The following WNK1 variants were observed in gnomAD, a reference collection of about 807,000 sequenced individuals.
WNK1 encodes WNK lysine deficient protein kinase 1.
Under a neutral mutation model 222.8 loss-of-function variants are expected in WNK1, and 38 were observed. The ratio of observed to expected loss-of-function variants is 0.17; its 90% CI spans 0.13 to 0.22. The LOEUF is 0.22. Ranked by LOEUF, WNK1 falls within the 10% of genes least tolerant of loss-of-function variation. The pLI is 1.00. For missense variants in WNK1, 2,348 were observed against 2,918.4 expected (o/e 0.80, Z 4.50); for synonymous variants, 1,090 against 1,092.9 (o/e 1.00, Z 0.05).
chr12:786,571 G>C (rs1373453509), intron 1 of WNK1, among the ~76,000 whole-genome samples: 1 of 150,122 alleles, frequency 6.7e-6, no homozygotes, highest in Non-Finnish European at 1.5e-5. Context: ...GGGTTTAAGT[G>C]ATTCTCCTGC....
chr12:886,005 T>G lies in WNK1; in HGVS notation c.5201T>G (p.Val1734Gly). 1 of 1,592,336 alleles carries G rather than the reference T, an allele frequency of 6.3e-7. No homozygotes were observed. Among genetic ancestry groups the G allele is most frequent in the Non-Finnish European group, 8.5e-7 (1 of 1,172,058 alleles). Reference protein sequence around the residue: ...PVTPVVTPGQVSTPVSTTTSG... With the variant: ...PVTPVVTPGQGSTPVSTTTSG... ...ACACCAGTGGTCACACCTGGGCAAG[T>G]TTCTACCCCAGTCAGCACTACTACA... Residue 1734 changes from valine (V) to glycine (G), a missense_variant, in exon 19 of 28, where the codon GTT (valine) becomes GGT (glycine). This residue lies in a region of WNK1 where 1,144 missense variants were observed against 1,273.6 expected (regional missense o/e 0.90). Transcript: ENST00000315939.
chr12:754,129 C>T lies in WNK1; in HGVS notation c.564C>T (p.Gly188=), dbSNP rs72647371. ...PPPARSGSGG[G]SAKEPQEERS... is the part of the protein sequence containing the mutation. ...CGGCGAGAAGTGGCAGCGGCGGCGG[C>T]AGCGCCAAGGAGCCACAGGAGGAAC... The change falls in exon 1 of 28, where the codon GGC becomes GGT. Residue 188 remains glycine (G), a synonymous_variant. Transcript: ENST00000315939. 4.8e-5 allele frequency: 77 copies of T among 1,611,520 alleles called. No individual in the cohort carries two copies. In the African/African-American group the frequency reaches 1.0e-3, roughly 21 times the overall value.
chr12:872,573 A>T (rs922285865), intron 9 of WNK1, among the ~76,000 whole-genome samples: 1 of 152,242 alleles, frequency 6.6e-6, no homozygotes, highest in Admixed American at 6.5e-5. Context: ...CACTGATATT[A>T]GTTAATAGTA....
At chr12:761,168 T>G (rs1458542412) in intron 1 of WNK1, among the ~76,000 whole-genome samples, 1 of 147,836 alleles carries the variant, frequency 6.8e-6, no homozygotes, top group Non-Finnish European at 1.5e-5. Flanking sequence ...TGTGGCCAAC[T>G]TAATTGATCA....
chr12:830,232 A>C, intron 4 of WNK1, 72 bp downstream of exon 4: 2 of 1,547,214 alleles, frequency 1.3e-6, no homozygotes, highest in South Asian at 2.3e-5. Flanking sequence ...GATGACATCA[A>C]ACCATGTAAA....
In WNK1 at chr12:908,885, A is replaced by T; in HGVS notation, c.*93A>T. ...GGAAGTAGCCTATATACTAACTACT[A>T]GTGCTGCATTTAACTGGTTATTTCT... On this transcript the variant is annotated 3_prime_UTR_variant, in exon 28 of 28. Coordinates refer to ENST00000315939, the MANE Select transcript of WNK1 (RefSeq NM_018979.4). 7.5e-7 allele frequency: 1 copy of T among 1,336,692 alleles called. No homozygotes were observed. Among genetic ancestry groups the T allele is most frequent in the Non-Finnish European group, 1.0e-6 (1 of 952,508 alleles). The allele number at this position is 1,336,692 out of a possible 1,614,324, so 82.8% of individuals were successfully genotyped here. A position where few individuals can be genotyped will look rare whatever the true frequency, so the allele number is the denominator to read the frequency against.
intron 4 of WNK1, chr12:851,510 CTG>C (rs1950418032): frequency 8.7e-7 from 1 of 1,150,030 alleles, no homozygotes; most frequent in East Asian, 6.0e-5. Context: ...TAGAATAAAT[CTG>C]TTGTTGGCTG....
chr12:892,105 T>C (rs1565596425), intron 22 of WNK1, among the ~76,000 whole-genome samples: 1 of 151,780 alleles, frequency 6.6e-6, no homozygotes, highest in Non-Finnish European at 1.5e-5. Context: ...TTTTAAGTTT[T>C]AGGGTACATG....
chr12:769,787 C>G (rs1426037745), intron 1 of WNK1, among the ~76,000 whole-genome samples: 1 of 152,098 alleles, frequency 6.6e-6, no homozygotes, highest in African/African-American at 2.4e-5. Flanking sequence ...CCTCGCAGTT[C>G]TGTAGGCCTA....
intron 1 of WNK1, among the ~76,000 whole-genome samples, chr12:812,444 G>T (rs1411664137): frequency 6.6e-6 from 1 of 152,148 alleles, no homozygotes; most frequent in African/African-American, 2.4e-5. Context: ...GCCTTTTCAT[G>T]ACAAAAAGCC....
intron 1 of WNK1, among the ~76,000 whole-genome samples, chr12:763,683 GCTA>G (rs1277201617): frequency 1.4e-5 from 2 of 147,646 alleles, no homozygotes; most frequent in African/African-American, 4.9e-5. Flanking sequence ...GTAAGGGAGG[GCTA>G]CTCTAGTTAG....
chr12:879,477 T>TTTGCTAATACATAAA, intron 10 of WNK1, 96 bp from the exon 11 acceptor site: 1 of 782,210 alleles, frequency 1.3e-6, no homozygotes, highest in Non-Finnish European at 1.9e-6. Context: ...TTCCTTCTTT[T>TTTGCTAATACATAAA]TGGCTAATAC....
Position 804,764 on chromosome 12 carries a change from G to A in WNK1, c.760-8878G>A, listed in dbSNP as rs538518450. Among the ~76,000 whole-genome samples the A allele has an allele frequency of 2.0e-5, 3 of 151,902 alleles. No homozygotes were observed. In the South Asian group the frequency reaches 6.2e-4, roughly 32 times the overall value. On this transcript the variant is annotated intron_variant, in intron 1 of 27. Transcript: ENST00000315939. Reference sequence around the variant, plus strand: ...CCTTTTTTCTACTTTCTGTCTCTGTGAATTTGCATATGCTAGATGTACCTC... The same window carrying A: ...CCTTTTTTCTACTTTCTGTCTCTGTAAATTTGCATATGCTAGATGTACCTC...
In WNK1 at chr12:897,548, G is replaced by T. The variant is rs376551765; in HGVS notation, c.6315G>T (p.Leu2105=). The T allele has an allele frequency of 1.2e-6, 2 of 1,613,344 alleles. No homozygotes were observed. Among genetic ancestry groups the T allele is most frequent in the Non-Finnish European group, 1.7e-6 (2 of 1,179,268 alleles). Residue 2105 remains leucine, a synonymous_variant, in exon 25 of 28, where the codon CTG becomes CTT. Coordinates refer to ENST00000315939, the MANE Select transcript of WNK1 (RefSeq NM_018979.4). ...KHEIESLYTK[L]GKVPPAVIIP... ...AAATTGAATCTTTGTATACCAAACT[G>T]GGCAAGGTGCCCCCTGCTGTTATTA...
In WNK1 at chr12:861,064, A is replaced by G. The variant is rs1951183309; in HGVS notation, c.1672A>G (p.Ile558Val). Residue 558 changes from isoleucine to valine, a missense_variant, in exon 7 of 28, where the codon ATC (isoleucine) becomes GTC (valine). This residue lies in a region of WNK1 where 103 missense variants were observed against 111.5 expected (regional missense o/e 0.92). Transcript: ENST00000315939. ...EGDHKTMAKA[I>V]KDRVSLIKRK... ...TGATCACAAGACCATGGCTAAAGCT[A>G]TCAAAGACAGAGTATCATTAATTAA... The G allele has an allele frequency of 6.2e-7, 1 of 1,613,960 alleles. No homozygotes were observed. The highest frequency in any genetic ancestry group is 8.5e-7 in the Non-Finnish European group (1 of 1,179,978).
At chr12:855,477 A>G (rs1950714627) in intron 4 of WNK1, among the ~76,000 whole-genome samples, 1 of 152,168 alleles carries the variant, frequency 6.6e-6, no homozygotes, top group Non-Finnish European at 1.5e-5. Flanking sequence ...TTATCATTTT[A>G]TGTATTTCAT....
chr12:786,280 T>C (rs1944295596), intron 1 of WNK1, among the ~76,000 whole-genome samples: 1 of 152,216 alleles, frequency 6.6e-6, no homozygotes, highest in African/African-American at 2.4e-5. Context: ...TCTAACAGTT[T>C]TTATGTTATA....
intron 1 of WNK1, among the ~76,000 whole-genome samples, chr12:792,840 CATATT>C (rs1379791097): frequency 2.0e-5 from 3 of 151,916 alleles, no homozygotes; most frequent in African/African-American, 4.8e-5. Context: ...TATATATAAA[CATATT>C]ATTCTATGAC....
intron 1 of WNK1, among the ~76,000 whole-genome samples, chr12:808,977 T>C (rs2154003825): frequency 6.6e-6 from 1 of 152,192 alleles, no homozygotes; most frequent in East Asian, 1.9e-4. Context: ...TTGGCCAGTC[T>C]GGTCTTGAAC....
Sources: gnomAD v4.1 joint callset for allele counts (sites outside exome capture counted in the v4.1 genomes callset) on GRCh38, gnomAD v4.1.1 for gene constraint, gnomAD v4.1.1 regional missense constraint, MANE v1.5 for transcripts, NCBI Gene and HGNC (gene_info 2026-07-23, HGNC 2026-07-21) for gene names.